Variants in NBAS observed in about 807,000 individuals in gnomAD.
NBAS encodes NAG/BC035112 fusion.
A neutral mutation model predicts 302.5 loss-of-function variants in NBAS; 219 were observed. The ratio of observed to expected loss-of-function variants is 0.72; its 90% CI spans 0.65 to 0.81. The LOEUF (loss-of-function observed/expected upper bound fraction) is 0.81. Ranked by LOEUF, NBAS falls within the 30% of genes least tolerant of loss-of-function variation. The pLI is 0.00. For synonymous variants in NBAS, 1,118 were observed against 1,021.6 expected, an observed-to-expected ratio of 1.09 and a Z score of -1.80; for missense variants, 2,932 against 2,841.6, an observed-to-expected ratio of 1.03 and a Z score of -0.72.
At chr2:15,438,914 A>T (rs958613850) in intron 21 of NBAS, among the ~76,000 whole-genome samples, 1 of 152,206 alleles carries the variant, frequency 6.6e-6, no homozygotes, top group African/African-American at 2.4e-5. Flanking sequence ...TAGGGCCAGG[A>T]ATAGTTCAAG....
chr2:15,311,495 GT>G (rs1156655868), intron 38 of NBAS, among the ~76,000 whole-genome samples: 1 of 152,100 alleles, frequency 6.6e-6, no homozygotes, highest in African/African-American at 2.4e-5. Flanking sequence ...TTGATAAAAG[GT>G]TCTTCCAATA....
chr2:15,039,652 G>A, the NBAS span, among the ~76,000 whole-genome samples: 3 of 152,128 alleles, frequency 2.0e-5, no homozygotes, highest in Admixed American at 6.5e-5. Flanking sequence ...CAAATCCTCC[G>A]AAGTACAGAG....
chr2:14,933,627 G>C, the NBAS span, among the ~76,000 whole-genome samples: 4 of 152,130 alleles, frequency 2.6e-5, no homozygotes, highest in Non-Finnish European at 1.5e-5. Context: ...TCTTGCCTGT[G>C]TGAGAGGGCC....
At chr2:15,495,138 A>G (rs931798551) in intron 11 of NBAS, among the ~76,000 whole-genome samples, 1 of 152,204 alleles carries the variant, frequency 6.6e-6, no homozygotes, top group African/African-American at 2.4e-5. Flanking sequence ...GAAGTTATGC[A>G]CACTCCAATA....
At chr2:15,200,938 T>C (rs1392204422) in intron 48 of NBAS, among the ~76,000 whole-genome samples, 4 of 152,244 alleles carry the variant, frequency 2.6e-5, no homozygotes, top group African/African-American at 9.6e-5. Flanking sequence ...ATTTTATCTT[T>C]AGAAATTTAC....
the NBAS span, among the ~76,000 whole-genome samples, chr2:15,056,595 G>A: frequency 6.6e-6 from 1 of 152,166 alleles, no homozygotes; most frequent in Non-Finnish European, 1.5e-5. Flanking sequence ...GCACACATGA[G>A]ACACTCACTA....
At chr2:14,883,845 T>C in the NBAS span, among the ~76,000 whole-genome samples, 11 of 151,850 alleles carry the variant, frequency 7.2e-5, no homozygotes. Flanking sequence ...CCTATAGTCC[T>C]AGCTACTTGG....
At chr2:15,483,302 G>A (rs1224650560) in intron 12 of NBAS, 4 of 415,002 alleles carry the variant, frequency 9.6e-6, no homozygotes, top group African/African-American at 8.3e-5. Flanking sequence ...ATTATATCAA[G>A]ATTCATCGCA....
At chr2:15,261,903 G>A (rs1668870322) in intron 44 of NBAS, among the ~76,000 whole-genome samples, 1 of 152,190 alleles carries the variant, frequency 6.6e-6, no homozygotes, top group African/African-American at 2.4e-5. Context: ...ATCATTGAAA[G>A]TAGGTCCACT....
the NBAS span, among the ~76,000 whole-genome samples, chr2:15,034,185 G>GAGAAAC: frequency 1.1e-4 from 3 of 27,228 alleles, no homozygotes; most frequent in East Asian, 0.02. Context: ...AAGAATGAAA[G>GAGAAAC]AAAGAGAAAC....
chr2:15,021,320 G>T, the NBAS span, among the ~76,000 whole-genome samples: 2 of 151,522 alleles, frequency 1.3e-5, no homozygotes, highest in South Asian at 4.2e-4. Context: ...AGAGACCAAG[G>T]TATAAATAAT....
chr2:15,203,890 TTGTGTGTG>T (rs143962413), intron 48 of NBAS, among the ~76,000 whole-genome samples: 34 of 129,532 alleles, frequency 2.6e-4, no homozygotes, highest in South Asian at 2.6e-3. Context: ...GTGTGTGTGC[TTGTGTGTG>T]TGTGTGTGTG....
At chr2:15,250,411 T>C (rs866865863) in intron 44 of NBAS, among the ~76,000 whole-genome samples, 5 of 152,080 alleles carry the variant, frequency 3.3e-5, no homozygotes, top group Admixed American at 6.6e-5. Flanking sequence ...GGGCAAAGAC[T>C]TAATGACTAA....
At chr2:15,320,407 G>T (rs988651097) in intron 38 of NBAS, among the ~76,000 whole-genome samples, 1 of 152,142 alleles carries the variant, frequency 6.6e-6, no homozygotes, top group Non-Finnish European at 1.5e-5. Context: ...GGGCAATCAG[G>T]CAGGAGAAGG....
At chr2:15,166,056 AG>A (rs1157605873), downstream of NBAS, among the ~76,000 whole-genome samples, 7 of 151,530 alleles carry the variant, frequency 4.6e-5, no homozygotes, top group Admixed American at 3.9e-4. Context: ...TGTGAGTCTC[AG>A]GGGGGGCGAA....
the NBAS span, among the ~76,000 whole-genome samples, chr2:14,815,516 G>A: frequency 6.6e-6 from 1 of 152,160 alleles, no homozygotes; most frequent in African/African-American, 2.4e-5. Context: ...TGAAGCTTTT[G>A]ACTTATAATT....
the NBAS span, among the ~76,000 whole-genome samples, chr2:14,917,216 T>C: frequency 1.3e-5 from 2 of 152,224 alleles, no homozygotes; most frequent in African/African-American, 4.8e-5. Context: ...GTGTTGGCCA[T>C]GGCTAGGGTC....
At chr2:14,904,585 T>A in the NBAS span, among the ~76,000 whole-genome samples, 10 of 95,726 alleles carry the variant, frequency 1.0e-4, no homozygotes, top group African/African-American at 3.5e-4. Flanking sequence ...TGACTCAGTA[T>A]GATAGGCTGT....
chr2:15,403,495 T>C (rs1160018561), intron 25 of NBAS, among the ~76,000 whole-genome samples: 4 of 152,152 alleles, frequency 2.6e-5, no homozygotes, highest in African/African-American at 7.2e-5. Context: ...CTAAACAATA[T>C]AGTATAAAAA....
Sources: allele counts gnomAD v4.1 joint callset (sites outside exome capture counted in the v4.1 genomes callset), GRCh38; gene constraint gnomAD v4.1.1; transcripts MANE v1.5; gene names NCBI Gene and HGNC (gene_info 2026-07-23, HGNC 2026-07-21).